STC1: variants seen among roughly 807,000 people sequenced by gnomAD.
STC1 encodes stanniocalcin 1.
In STC1, 7 loss-of-function variants were observed where a neutral mutation model predicts 22.6. That is an observed-to-expected ratio of 0.31 (90% CI 0.18 to 0.58). The LOEUF is 0.58. STC1 is among the 20% of genes least tolerant of loss of function. The pLI is 0.89. For missense variants in STC1, 224 were observed against 311.0 expected, an observed-to-expected ratio of 0.72 and a Z score of 2.10; for synonymous variants, 113 against 120.7, an observed-to-expected ratio of 0.94 and a Z score of 0.42.
chr8:23,849,307 C>T (rs965767235), intron 3 of STC1, among the ~76,000 whole-genome samples: 1 of 152,184 alleles, frequency 6.6e-6, no homozygotes, highest in Non-Finnish European at 1.5e-5. Context: ...CAGCATGGAA[C>T]CGGACATTTC....
At chr8:23,848,564 A>G (rs911837923) in intron 3 of STC1, among the ~76,000 whole-genome samples, 1 of 150,060 alleles carries the variant, frequency 6.7e-6, no homozygotes, top group African/African-American at 2.4e-5. Context: ...AAAGAAGAAG[A>G]AGATTCCTTT....
At chr8:23,852,089 C>T (rs1802645034) in intron 2 of STC1, among the ~76,000 whole-genome samples, 153 bp downstream of exon 2, 1 of 151,230 alleles carries the variant, frequency 6.6e-6, no homozygotes, top group Non-Finnish European at 1.5e-5. Context: ...TGTGCATGCA[C>T]ACACTTGTGC....
At chr8:23,852,747 T>G (rs889023749) in intron 1 of STC1, among the ~76,000 whole-genome samples, 1 of 152,010 alleles carries the variant, frequency 6.6e-6, no homozygotes, top group Non-Finnish European at 1.5e-5. Flanking sequence ...CTTGAAAGCA[T>G]GGGAAGGAAG....
intron 1 of STC1, chr8:23,854,090 C>A (rs1802669092): frequency 1.7e-6 from 2 of 1,173,564 alleles, no homozygotes; most frequent in Non-Finnish European, 2.1e-6. Flanking sequence ...TTGAAGCATG[C>A]CAACATTCAA....
At chr8:23,849,534 A>G (rs423432) in intron 3 of STC1, among the ~76,000 whole-genome samples, 88,513 of 151,942 alleles carry the variant, frequency 0.58, 26,156 homozygotes, top group South Asian at 0.73. Context: ...AAGAAATAAT[A>G]GCCTGGTTAA....
In STC1 at chr8:23,846,654, G is replaced by A. The variant is rs75374095; in HGVS notation, c.474-1614C>T. Among the ~76,000 whole-genome samples, 690 of 152,308 alleles carry A rather than the reference G, an allele frequency of 4.5e-3. 38 individuals are homozygous for A. In the East Asian group the frequency reaches 0.11, roughly 25 times the overall value. On this transcript the variant is annotated intron_variant, in intron 3 of 3. Transcript: ENST00000290271. ...TCACCCTTCTGTGGCACAGCAGAAGGAAGCTGGGGACTGAGAGGCAAGTGC... is the reference window on the plus strand; with the variant it reads ...TCACCCTTCTGTGGCACAGCAGAAGAAAGCTGGGGACTGAGAGGCAAGTGC...
intron 3 of STC1, among the ~76,000 whole-genome samples, chr8:23,845,585 T>C (rs1307374699): frequency 1.3e-5 from 2 of 152,076 alleles, no homozygotes; most frequent in African/African-American, 2.4e-5. Flanking sequence ...TGCAGATCTG[T>C]GCATCTTCTG....
rs433613 is a variant in STC1, at chr8:23,854,703, T to G, written c.-180A>C. The G allele has an allele frequency of 2.7e-5, 19 of 701,208 alleles. No homozygotes were observed. In the African/African-American group the frequency reaches 2.8e-4, roughly 10 times the overall value. The allele number at this position is 701,208 out of a possible 1,614,324, so 43.4% of individuals were successfully genotyped here. On this transcript the variant is annotated 5_prime_UTR_variant, in exon 1 of 4. Transcript: ENST00000290271. ...TGATGCTGCTGCTGCCACCGGTGCC[T>G]CCGCTGCTGCTGCTGCTGCCGCCGC...
rs764790721 is a variant in STC1, at chr8:23,843,844, A to G, written c.*926T>C. ...GAATTAAAACTACTTCTACCCCCTT[A>G]GTTATAAAAAAGGCCACAAGGAGCA... On this transcript the variant is annotated 3_prime_UTR_variant, in exon 4 of 4. Coordinates refer to ENST00000290271, the MANE Select transcript of STC1 (RefSeq NM_003155.3). 20 of 152,614 alleles carry G rather than the reference A, an allele frequency of 1.3e-4. No individual in the cohort carries two copies. Among genetic ancestry groups the G allele is most frequent in the Admixed American group, 7.2e-4 (11 of 15,266 alleles). 9.5% of individuals were successfully genotyped at this position (152,614 alleles called of 1,614,324 possible).
At position 23,850,456 on chromosome 8, in the gene STC1, C is replaced by T. The variant is rs532715085; in HGVS notation, c.473+864G>A. The stretch of plus-strand genomic sequence containing the variant: ...TAAACTTGACCGGTCTGCACTGCCC[C>T]TGCCAGACCTCCACGCCAACCCCAT... On this transcript the variant is annotated intron_variant, in intron 3 of 3. Coordinates refer to ENST00000290271, the MANE Select transcript of STC1 (RefSeq NM_003155.3). Among the ~76,000 whole-genome samples, 12 of 152,310 alleles carry T rather than the reference C, an allele frequency of 7.9e-5. No individual in the cohort carries two copies. The East Asian group carries it at 2.3e-3, about 29-fold the overall frequency.
intron 3 of STC1, among the ~76,000 whole-genome samples, chr8:23,846,976 G>A (rs1016112197): frequency 6.6e-6 from 1 of 152,142 alleles, no homozygotes; most frequent in African/African-American, 2.4e-5. Context: ...GTCTTTGGAT[G>A]GCTGTGTCTA....
rs1802517740 is a variant in STC1 at position 23,842,077 on chromosome 8, C to T, written c.*2693G>A. ...TGATATGTTTCATAACCTTTATATGCACATGGAGCTTAAAAATGTAATTTA... is the reference window on the plus strand; with the variant it reads ...TGATATGTTTCATAACCTTTATATGTACATGGAGCTTAAAAATGTAATTTA... On this transcript the variant is annotated 3_prime_UTR_variant, in exon 4 of 4. Coordinates refer to ENST00000290271, the MANE Select transcript of STC1 (RefSeq NM_003155.3). 6.6e-6 allele frequency: 1 copy of T among 152,502 alleles called. No individual in the cohort carries two copies. Among genetic ancestry groups the T allele is most frequent in the African/African-American group, 2.4e-5 (1 of 41,392 alleles). 9.4% of individuals were successfully genotyped at this position (152,502 alleles called of 1,614,324 possible).
At position 23,847,438 on chromosome 8, in the gene STC1, C is replaced by T. The variant is rs546732419; in HGVS notation, c.474-2398G>A. 2.4e-3 allele frequency among the ~76,000 whole-genome samples: 371 copies of T among 152,378 alleles called. 2 individuals are homozygous for T. The highest frequency in any genetic ancestry group is 4.4e-3 in the Non-Finnish European group (302 of 68,046). ...GCTCTTAGTGAGAACCACCCACCCC[C>T]ACTGGAATCTACCCTATTTCCCTCA... On this transcript the variant is annotated intron_variant, in intron 3 of 3. Transcript: ENST00000290271.
At chr8:23,847,571 G>T (rs1376445922) in intron 3 of STC1, among the ~76,000 whole-genome samples, 5 of 152,180 alleles carry the variant, frequency 3.3e-5, no homozygotes, top group African/African-American at 1.2e-4. Context: ...AATTTGTCAG[G>T]ATTATTTGAT....
At position 23,844,683 on chromosome 8, in the gene STC1, A is replaced by G. The variant is rs1213090531; in HGVS notation, c.*87T>C. The G allele has an allele frequency of 1.3e-6, 2 of 1,489,738 alleles. No homozygotes were observed. The highest frequency in any genetic ancestry group is 1.4e-5 in the African/African-American group (1 of 71,482). The allele number at this position is 1,489,738 out of a possible 1,614,324, so 92.3% of individuals were successfully genotyped here. ...AAATAGGAACTACTTTAAAAAAATC[A>G]AACCAGGCACAGTACACTCAAAACT... On this transcript the variant is annotated 3_prime_UTR_variant, in exon 4 of 4. Coordinates refer to ENST00000290271, the MANE Select transcript of STC1 (RefSeq NM_003155.3).
Position 23,851,509 on chromosome 8 carries a change from C to T in STC1, c.284G>A (p.Ser95Asn), listed in dbSNP as rs1433614409. The T allele has an allele frequency of 1.9e-6, 3 of 1,613,998 alleles. No individual in the cohort carries two copies. The highest frequency in any genetic ancestry group is 1.3e-5 in the African/African-American group (1 of 74,904). Residue 95 changes from serine to asparagine, a missense_variant, in exon 3 of 4, where the codon AGC (serine) becomes AAC (asparagine). Coordinates refer to ENST00000290271, the MANE Select transcript of STC1 (RefSeq NM_003155.3). ...DTQGKAFVKESLKCIANGVTS... is the reference protein window; with the variant it reads ...DTQGKAFVKENLKCIANGVTS... ...GACCCCGTTGGCGATGCATTTTAAG[C>T]TCTCTTTGACGAATGCTTTTCCCTG... is the stretch of plus-strand genomic sequence containing the variant.
Position 23,854,623 on chromosome 8 carries a change from C to A in STC1, c.-100G>T. ...TTGAGTGAAGATGTGGATCTGGATA[C>A]ACTGAAAGCTTAGGTGAGGATTTGA... is the stretch of plus-strand genomic sequence containing the variant. On this transcript the variant is annotated 5_prime_UTR_variant, in exon 1 of 4. Coordinates refer to ENST00000290271, the MANE Select transcript of STC1 (RefSeq NM_003155.3). 9.8e-7 allele frequency: 1 copy of A among 1,021,538 alleles called. No individual in the cohort carries two copies. The highest frequency in any genetic ancestry group is 1.7e-5 in the Admixed American group (1 of 57,466). 63.3% of individuals were successfully genotyped at this position (1,021,538 alleles called of 1,614,324 possible).
Position 23,854,504 on chromosome 8 carries a change from A to T in STC1, c.20T>A (p.Val7Glu). 6.2e-7 allele frequency: 1 copy of T among 1,612,892 alleles called. No individual in the cohort carries two copies. The highest frequency in any genetic ancestry group is 8.5e-7 in the Non-Finnish European group (1 of 1,179,920). ...AGCACTGATCACCAGCACCAGAAGC[A>T]CTGCTGAGTTTTGGAGCATTCTCTG... MLQNSA[V>E]LLVLVISASA... Residue 7 changes from valine to glutamate, a missense_variant, in exon 1 of 4, where the codon GTG (valine) becomes GAG (glutamate). Physicochemically the swap from Val to Glu is moderately radical, Grantham distance 121. Transcript: ENST00000290271.
intron 1 of STC1, among the ~76,000 whole-genome samples, chr8:23,853,756 A>G (rs775081328): frequency 1.3e-5 from 2 of 152,150 alleles, no homozygotes; most frequent in African/African-American, 2.4e-5. Flanking sequence ...AACAGCTGCT[A>G]CGTTTCACAA....
Sources: allele counts gnomAD v4.1 joint callset (sites outside exome capture counted in the v4.1 genomes callset), GRCh38; gene constraint gnomAD v4.1.1; transcripts MANE v1.5; gene names NCBI Gene and HGNC (gene_info 2026-07-23, HGNC 2026-07-21).